DMD: variants seen among roughly 807,000 people sequenced by gnomAD.
DMD encodes mutant dystrophin.
A neutral mutation model predicts 330.1 loss-of-function variants in DMD; 63 were observed. That is an observed-to-expected ratio of 0.19 (90% CI 0.16 to 0.24). The LOEUF (loss-of-function observed/expected upper bound fraction) is 0.24, where lower values mean the gene tolerates loss of function less well. Ranked by LOEUF, DMD falls within the 10% of genes least tolerant of loss-of-function variation. The pLI, the probability that DMD is intolerant of heterozygous loss-of-function variation, is 1.00. For missense variants in DMD, 3,344 were observed against 2,684.1 expected (o/e 1.25, Z -5.43); for synonymous variants, 1,223 against 959.8 (o/e 1.27, Z -5.07).
At position 32,776,452 on chromosome X, in the gene DMD, A is replaced by G. The variant is rs768182526; in HGVS notation, c.649+33041T>C. ...TGGTTGGGTAATTTATAAGTAAAAG[A>G]GGATTAATAGACTCACAGTTCTACA... On this transcript the variant is annotated intron_variant, in intron 7 of 78. Transcript: ENST00000357033. Among the ~76,000 whole-genome samples, 19 of 111,144 alleles carry G rather than the reference A, an allele frequency of 1.7e-4. No individual in the cohort carries two copies. The South Asian group carries it at 7.3e-3, about 43-fold the overall frequency.
intron 20 of DMD, among the ~76,000 whole-genome samples, chrX:32,489,101 T>A (rs147894710): frequency 0.042 from 4,726 of 111,238 alleles, 111 homozygotes; most frequent in East Asian, 0.13. Context: ...CCACTGTTCC[T>A]AGCAGGAAAT....
At chrX:32,758,226 G>T (rs1048825635) in intron 7 of DMD, among the ~76,000 whole-genome samples, 4 of 111,775 alleles carry the variant, frequency 3.6e-5, no homozygotes, top group African/African-American at 1.3e-4. Flanking sequence ...AACTCAAACT[G>T]ACACTCTTGA....
intron 17 of DMD, among the ~76,000 whole-genome samples, chrX:32,518,824 A>T (rs1409418151): frequency 9.1e-6 from 1 of 110,216 alleles, no homozygotes; most frequent in East Asian, 2.9e-4. Flanking sequence ...CTGAAGACAG[A>T]CAAATGAGTG....
chrX:31,925,014 ATAG>A (rs201356715), intron 47 of DMD, among the ~76,000 whole-genome samples: 1,696 of 112,302 alleles, frequency 0.015, 31 homozygotes, highest in African/African-American at 0.051. Flanking sequence ...GACATTAAAA[ATAG>A]TAGGATTTTA....
rs1387418271 is a variant in DMD, at chrX:32,446,409, G to GA, written c.3786+2046dup. Among the ~76,000 whole-genome samples the GA allele has an allele frequency of 7.5e-3, 777 of 103,152 alleles. 3 individuals are homozygous for GA. The highest frequency in any genetic ancestry group is 9.1e-3 in the Non-Finnish European group (449 of 49,482). The allele number at this position is 103,152 out of a possible 115,157, so 89.6% of individuals were successfully genotyped here. A position where few individuals can be genotyped will look rare whatever the true frequency, so the allele number is the denominator to read the frequency against. On this transcript the variant is annotated intron_variant, in intron 27 of 78. Coordinates refer to ENST00000357033, the MANE Select transcript of DMD (RefSeq NM_004006.3). ...ACAAATAATATTTTCAGTGTTGTAGGAAAAAAAAAAACCTGTCCTTACATA... is the reference window on the plus strand; with the variant it reads ...ACAAATAATATTTTCAGTGTTGTAGGAAAAAAAAAAAACCTGTCCTTACATA...
chrX:32,719,211 G>T (rs2066018281), intron 7 of DMD, among the ~76,000 whole-genome samples: 1 of 111,766 alleles, frequency 8.9e-6, no homozygotes, highest in East Asian at 2.8e-4. Flanking sequence ...ATAATCTGAT[G>T]AATTGAAAAT....
intron 55 of DMD, among the ~76,000 whole-genome samples, chrX:31,566,395 CTG>C (rs2075465291): frequency 1.8e-5 from 2 of 111,377 alleles, no homozygotes; most frequent in South Asian, 7.5e-4. Flanking sequence ...TATCAAAAAT[CTG>C]TTGGGCACAT....
At chrX:31,304,719 G>T (rs2148119846) in intron 62 of DMD, among the ~76,000 whole-genome samples, 1 of 110,309 alleles carries the variant, frequency 9.1e-6, no homozygotes, top group South Asian at 3.9e-4. Flanking sequence ...TTTGCCTTTT[G>T]CAAAACAGAA....
intron 50 of DMD, among the ~76,000 whole-genome samples, chrX:31,799,243 T>C (rs2091958737): frequency 1.8e-5 from 2 of 112,273 alleles, no homozygotes; most frequent in Middle Eastern, 4.6e-3. Flanking sequence ...TCTGTTCTCA[T>C]GCTGCTATGA....
chrX:32,210,173 C>T (rs2097088281), intron 44 of DMD, among the ~76,000 whole-genome samples: 1 of 111,975 alleles, frequency 8.9e-6, no homozygotes, highest in Admixed American at 9.5e-5. Flanking sequence ...AAATGTATTC[C>T]CACACTTACA....
chrX:32,280,161 T>TATATATATATATATATATATAC (rs1569555736), intron 43 of DMD, among the ~76,000 whole-genome samples: 4 of 31,627 alleles, frequency 1.3e-4, no homozygotes, highest in African/African-American at 8.8e-4. Flanking sequence ...TATATATATA[T>TATATATATATATATATATATAC]ACAGTATATA....
intron 61 of DMD, among the ~76,000 whole-genome samples, chrX:31,338,309 C>CAAAAAAAAAAAAAAAAAAA (rs752828727): frequency 1.9e-5 from 1 of 53,392 alleles, no homozygotes; most frequent in African/African-American, 7.5e-5. Flanking sequence ...AGTAAAAATA[C>CAAAAAAAAAAAAAAAAAAA]AAAAAAAAAA....
intron 9 of DMD, among the ~76,000 whole-genome samples, chrX:32,667,282 T>C (rs747752360): frequency 1.5e-4 from 17 of 111,645 alleles, no homozygotes; most frequent in Non-Finnish European, 3.2e-4. Context: ...ACGTTTGTAG[T>C]AAACAGAAGA....
chrX:31,300,632 A>T (rs886329090), intron 62 of DMD, among the ~76,000 whole-genome samples: 1 of 111,926 alleles, frequency 8.9e-6, no homozygotes, highest in Non-Finnish European at 1.9e-5. Context: ...TATATAAACA[A>T]TATCTTTTGT....
chrX:32,318,862 G>C (rs902087912), intron 41 of DMD, among the ~76,000 whole-genome samples: 2 of 111,232 alleles, frequency 1.8e-5, no homozygotes, highest in African/African-American at 6.5e-5. Context: ...TGCTGGATTT[G>C]CCAGTCTTTA....
chrX:32,730,481 C>T (rs1218789395), intron 7 of DMD, among the ~76,000 whole-genome samples: 1 of 112,051 alleles, frequency 8.9e-6, no homozygotes, highest in East Asian at 2.8e-4. Context: ...AAGAGTACTT[C>T]AACAGGAAGT....
intron 7 of DMD, among the ~76,000 whole-genome samples, chrX:32,700,669 T>G (rs1230347678): frequency 9.0e-6 from 1 of 111,616 alleles, no homozygotes; most frequent in African/African-American, 3.2e-5. Flanking sequence ...GATAAATGTA[T>G]GCAATTTTAG....
At chrX:32,798,131 A>G (rs751943230) in intron 7 of DMD, among the ~76,000 whole-genome samples, 2 of 111,966 alleles carry the variant, frequency 1.8e-5, no homozygotes, top group Non-Finnish European at 3.8e-5. Context: ...AAAATTTGTT[A>G]TAAAGGGTAA....
intron 9 of DMD, among the ~76,000 whole-genome samples, chrX:32,665,361 A>C: frequency 8.9e-6 from 1 of 112,004 alleles, no homozygotes; most frequent in South Asian, 3.8e-4. Context: ...GAATAACAAG[A>C]ATATAAACTC....
Sources: gnomAD v4.1 joint callset for allele counts (sites outside exome capture counted in the v4.1 genomes callset) on GRCh38, gnomAD v4.1.1 for gene constraint, MANE v1.5 for transcripts, NCBI Gene and HGNC (gene_info 2026-07-23, HGNC 2026-07-21) for gene names.